ASIC2: variants seen among roughly 807,000 people sequenced by gnomAD.
ASIC2 encodes acid-sensing ion channel 2.
In ASIC2, 25 loss-of-function variants were observed where a neutral mutation model predicts 57.3. The observed-to-expected ratio is 0.44, with a 90% CI of 0.32 to 0.61. ASIC2 has a LOEUF of 0.61. ASIC2 is among the 20% of genes least tolerant of loss of function. The pLI is 0.06. For missense variants in ASIC2, 641 were observed against 738.1 expected, an observed-to-expected ratio of 0.87 and a Z score of 1.52; for synonymous variants, 319 against 307.5, an observed-to-expected ratio of 1.04 and a Z score of -0.39.
rs191890909 is a variant in ASIC2 at position 33,661,413 on chromosome 17, A to G, written c.555+494565T>C. On this transcript the variant is annotated intron_variant, in intron 1 of 9. Coordinates refer to the ASIC2 transcript ENST00000359872. ...TCGCTTGGGGCTGCCCCATTGCACA[A>G]TAACGAGGGCCATCATCTTTGTAGA... 1.8e-3 allele frequency among the ~76,000 whole-genome samples: 280 copies of G among 152,340 alleles called. 1 individual carries two copies. The highest frequency in any genetic ancestry group is 6.5e-3 in the African/African-American group (270 of 41,588).
At chr17:33,207,595 C>T (rs548655305) in intron 1 of ASIC2, among the ~76,000 whole-genome samples, 6 of 152,284 alleles carry the variant, frequency 3.9e-5, no homozygotes, top group South Asian at 2.1e-4. Context: ...GCAATAAAAG[C>T]GGCTTGTAGC....
rs1420265744 is a variant in ASIC2, at chr17:33,148,759, G to C, written c.709-36692C>G. On this transcript the variant is annotated intron_variant, in intron 1 of 9. Transcript: ENST00000225823. ...TAATTATAAAAGTCATAATAAAACA[G>C]TTGTATCAAAGTAATAAGAAATAAA... Among the ~76,000 whole-genome samples the C allele has an allele frequency of 2.0e-5, 3 of 152,144 alleles. No homozygotes were observed. In the East Asian group the frequency reaches 5.8e-4, roughly 29 times the overall value.
At position 33,540,012 on chromosome 17, in the gene ASIC2, C is replaced by T. The variant is rs535779794; in HGVS notation, c.556-427945G>A. ...CAGCACTTGTGTTCATTTCCTTGGG[C>T]TGCCATAACAAAGTACCCCAGGTTG... is the stretch of plus-strand genomic sequence containing the variant. On this transcript the variant is annotated intron_variant, in intron 1 of 9. Coordinates refer to the ASIC2 transcript ENST00000359872. 2.8e-3 allele frequency among the ~76,000 whole-genome samples: 432 copies of T among 152,284 alleles called. 2 individuals are homozygous for T. Among genetic ancestry groups the T allele is most frequent in the African/African-American group, 9.9e-3 (413 of 41,568 alleles).
chr17:33,279,316 T>G (rs1904843306), intron 1 of ASIC2, among the ~76,000 whole-genome samples: 1 of 152,000 alleles, frequency 6.6e-6, no homozygotes, highest in Non-Finnish European at 1.5e-5. Flanking sequence ...TTGTCTAGAA[T>G]AGACAGGGCA....
At chr17:34,065,107 C>T (rs947734213) in intron 1 of ASIC2, among the ~76,000 whole-genome samples, 1 of 152,122 alleles carries the variant, frequency 6.6e-6, no homozygotes, top group African/African-American at 2.4e-5. Flanking sequence ...TTCACAACTG[C>T]AAAATCATAG....
intron 3 of ASIC2, among the ~76,000 whole-genome samples, chr17:33,035,776 ACTCT>A (rs947775079): frequency 3.3e-5 from 5 of 151,798 alleles, no homozygotes; most frequent in African/African-American, 1.2e-4. Context: ...GGCTTTTTAG[ACTCT>A]CTCCCTATCC....
intron 1 of ASIC2, among the ~76,000 whole-genome samples, chr17:33,215,418 G>A (rs1386580793): frequency 1.3e-5 from 2 of 152,198 alleles, no homozygotes; most frequent in East Asian, 1.9e-4. Context: ...ACAGAAGAAT[G>A]AGTTGTAATT....
At position 34,156,362 on chromosome 17, in the gene ASIC2, C is replaced by T. The variant is rs1904721764; in HGVS notation, c.171G>A (p.Leu57=). ...AGGACACCCTCTCAGAGCTCTCCAC[C>T]AGCAGCAGGCCCAGAGAGCCCACGA... Residue 57 remains leucine, a synonymous_variant, in exon 1 of 10, where the codon CTG becomes CTA. Coordinates refer to the ASIC2 transcript ENST00000359872. This position sits in a 1 kb window ranked among gnomAD's most constrained non-coding sequence, Gnocchi z 4.4. 6.2e-7 allele frequency: 1 copy of T among 1,614,086 alleles called. No homozygotes were observed.
In ASIC2 at chr17:34,109,886, CT is replaced by C. The variant is rs565488095; in HGVS notation, c.555+46091del. 2.2e-3 allele frequency among the ~76,000 whole-genome samples: 336 copies of C among 152,164 alleles called. 2 individuals carry two copies. Among genetic ancestry groups the C allele is most frequent in the African/African-American group, 7.7e-3 (320 of 41,496 alleles). ...AAAATAAGTTTTTCTCTCTCTTTAT[CT>C]ATCTATCGTGATACTGTATAGATTT... is the stretch of plus-strand genomic sequence containing the variant. On this transcript the variant is annotated intron_variant, in intron 1 of 9. Coordinates refer to the ASIC2 transcript ENST00000359872.
chr17:33,532,962 A>G (rs1915099409), intron 1 of ASIC2, among the ~76,000 whole-genome samples: 1 of 152,226 alleles, frequency 6.6e-6, no homozygotes, highest in South Asian at 2.1e-4. Flanking sequence ...ACGTCCAAAG[A>G]TTGCCATATG....
chr17:33,190,282 C>A (rs962831056), intron 1 of ASIC2, among the ~76,000 whole-genome samples: 14 of 151,764 alleles, frequency 9.2e-5, no homozygotes, highest in African/African-American at 3.4e-4. Flanking sequence ...AATAAAAAAC[C>A]ATTTACAATA....
chr17:34,133,214 G>C (rs1198775573), intron 1 of ASIC2, among the ~76,000 whole-genome samples: 2 of 152,166 alleles, frequency 1.3e-5, no homozygotes, highest in Non-Finnish European at 2.9e-5. Context: ...AGCAATGAAA[G>C]GGTATGAACT....
chr17:33,301,263 A>C (rs184996453), intron 1 of ASIC2, among the ~76,000 whole-genome samples: 2 of 150,496 alleles, frequency 1.3e-5, no homozygotes, highest in African/African-American at 4.9e-5. Flanking sequence ...CTGGTCTTGA[A>C]CTCCTGAGTT....
At chr17:33,440,268 C>G (rs1360795771) in intron 1 of ASIC2, among the ~76,000 whole-genome samples, 1 of 152,182 alleles carries the variant, frequency 6.6e-6, no homozygotes, top group Non-Finnish European at 1.5e-5. Context: ...TTTTCCTTAG[C>G]CTGACGTTTT....
chr17:33,854,368 G>A (rs1963211), intron 1 of ASIC2, among the ~76,000 whole-genome samples: 65,311 of 152,052 alleles, frequency 0.43, 14,206 homozygotes, highest in Middle Eastern at 0.57. Flanking sequence ...TTGGATGTGC[G>A]TGTGATTTCT....
chr17:33,021,149 C>T (rs781000743), intron 7 of ASIC2, 70 bp downstream of exon 7: 39 of 1,142,738 alleles, frequency 3.4e-5, no homozygotes, highest in Admixed American at 3.9e-5. Context: ...GCCTCCCATC[C>T]ACCTGTGCAT....
At chr17:33,405,849 C>T (rs921650478) in intron 1 of ASIC2, among the ~76,000 whole-genome samples, 1 of 152,146 alleles carries the variant, frequency 6.6e-6, no homozygotes, top group Non-Finnish European at 1.5e-5. Context: ...TCTTCTGTTT[C>T]TGGCTCTTAC....
intron 1 of ASIC2, among the ~76,000 whole-genome samples, chr17:33,948,643 C>T (rs1299732390): frequency 2.0e-5 from 3 of 152,162 alleles, no homozygotes; most frequent in Non-Finnish European, 2.9e-5. Context: ...ACCTGGAATC[C>T]AAGAGCTGCC....
At chr17:33,139,742 T>C (rs1437892378) in intron 1 of ASIC2, among the ~76,000 whole-genome samples, 2 of 152,186 alleles carry the variant, frequency 1.3e-5, no homozygotes, top group Non-Finnish European at 2.9e-5. Flanking sequence ...TCATGGGCCA[T>C]GCCTTGAAGA....
Sources: allele counts gnomAD v4.1 joint callset (sites outside exome capture counted in the v4.1 genomes callset), GRCh38; gene constraint gnomAD v4.1.1; non-coding constraint Gnocchi (gnomAD v3.1); transcripts MANE v1.5; gene names NCBI Gene and HGNC (gene_info 2026-07-23, HGNC 2026-07-21).